IQCM: variants seen among roughly 807,000 people sequenced by gnomAD.
IQCM encodes the protein IQ domain-containing protein M.
In IQCM, 45 loss-of-function variants were observed where a neutral mutation model predicts 57.6. The observed-to-expected ratio is 0.78, with a 90% CI of 0.62 to 1.00. IQCM has a LOEUF of 1.00. Ranked by LOEUF, IQCM falls within the 50% of genes least tolerant of loss-of-function variation. The probability of loss-of-function intolerance (pLI) is 0.00; values close to 1 mark genes in which losing one functional copy is unlikely to be tolerated. For missense variants in IQCM, 468 were observed against 511.6 expected, an observed-to-expected ratio of 0.91 and a Z score of 0.82; for synonymous variants, 148 against 158.9, an observed-to-expected ratio of 0.93 and a Z score of 0.51.
At chr4:149,489,889 T>C (rs755579891) in intron 12 of IQCM, among the ~76,000 whole-genome samples, 82 of 152,084 alleles carry the variant, frequency 5.4e-4, no homozygotes, top group Non-Finnish European at 9.4e-4. Context: ...TATTGAGAAG[T>C]TGTCTAGAAT....
Position 149,553,228 on chromosome 4 carries a change from G to A in IQCM, c.1008C>T (p.His336=), listed in dbSNP as rs1749205565. 3.2e-6 allele frequency: 4 copies of A among 1,231,854 alleles called. No homozygotes were observed. The East Asian group carries it at 1.3e-4, about 39-fold the overall frequency. 76.3% of individuals were successfully genotyped at this position (1,231,854 alleles called of 1,614,324 possible). Residue 336 remains histidine (H), a synonymous_variant, in exon 11 of 14, where the codon CAC becomes CAT. Coordinates refer to ENST00000636793, the MANE Select transcript of IQCM (RefSeq NM_001363507.2). ...AAAGACCACGTCGATATCTAACACG[G>A]TGGATTAGTCTGCCATACATGTTAA... ...AVINMYGRLI[H]RVRYRRGLWR... is the part of the protein sequence containing the mutation.
chr4:149,619,609 C>T (rs1756137429), intron 8 of IQCM, among the ~76,000 whole-genome samples: 1 of 151,940 alleles, frequency 6.6e-6, no homozygotes, highest in South Asian at 2.1e-4. Context: ...AAATAAAAAT[C>T]CAACATGTGT....
At chr4:149,692,780 T>G (rs1054482186) in intron 5 of IQCM, among the ~76,000 whole-genome samples, 1 of 152,140 alleles carries the variant, frequency 6.6e-6, no homozygotes. Flanking sequence ...TAACTATTGC[T>G]TATGTAAAAT....
At chr4:149,629,021 C>A (rs575801052) in intron 7 of IQCM, among the ~76,000 whole-genome samples, 1 of 152,202 alleles carries the variant, frequency 6.6e-6, no homozygotes, top group East Asian at 1.9e-4. Flanking sequence ...GCTCAGAAAA[C>A]ACTTAACTAA....
chr4:149,481,711 T>TTTTTTTTTTG (rs1230353621), intron 12 of IQCM, among the ~76,000 whole-genome samples: 3 of 137,806 alleles, frequency 2.2e-5, no homozygotes, highest in African/African-American at 5.4e-5. Flanking sequence ...GTTTTTTTTT[T>TTTTTTTTTTG]TTTTTTTTTT....
In IQCM at chr4:149,813,823, C is replaced by G. The variant is rs1044883197; in HGVS notation, c.-49+1488G>C. On this transcript the variant is annotated intron_variant, in intron 2 of 13. Transcript: ENST00000636793. ...CCCCTCTCTTCAGAAAAATAGAGACCAACAGGTGCCAAAATTATTATTCCA... is the reference window on the plus strand; with the variant it reads ...CCCCTCTCTTCAGAAAAATAGAGACGAACAGGTGCCAAAATTATTATTCCA... Among the ~76,000 whole-genome samples, 3 of 151,950 alleles carry G rather than the reference C, an allele frequency of 2.0e-5. 1 individual carries two copies. The highest frequency in any genetic ancestry group is 4.4e-5 in the Non-Finnish European group (3 of 67,938).
intron 8 of IQCM, among the ~76,000 whole-genome samples, chr4:149,609,000 C>T (rs1364440847): frequency 6.6e-6 from 1 of 151,132 alleles, no homozygotes; most frequent in Non-Finnish European, 1.5e-5. Flanking sequence ...AAAGTTGAGC[C>T]AGACTGAAAA....
chr4:149,801,426 G>T (rs1010752494), intron 2 of IQCM, among the ~76,000 whole-genome samples: 4 of 151,968 alleles, frequency 2.6e-5, no homozygotes, highest in African/African-American at 9.7e-5. Context: ...GTATATCAAA[G>T]AGATATCTGC....
chr4:149,605,090 G>A (rs1250099676), intron 8 of IQCM, among the ~76,000 whole-genome samples: 11 of 152,026 alleles, frequency 7.2e-5, no homozygotes, highest in Non-Finnish European at 4.4e-5. Context: ...AATGTGTATG[G>A]GCCTAGTGCT....
intron 13 of IQCM, among the ~76,000 whole-genome samples, chr4:149,431,422 G>C (rs1236770842): frequency 6.6e-6 from 1 of 151,722 alleles, no homozygotes; most frequent in African/African-American, 2.4e-5. Context: ...ACTAATGACG[G>C]TACACATCTT....
chr4:149,486,019 CT>C (rs1741450537), intron 12 of IQCM, among the ~76,000 whole-genome samples: 1 of 16,732 alleles, frequency 6.0e-5, no homozygotes, highest in African/African-American at 3.4e-4. Flanking sequence ...CAAACAGAGT[CT>C]CTCTCTCTCT....
At chr4:149,720,609 T>C (rs1471599667) in intron 5 of IQCM, among the ~76,000 whole-genome samples, 1 of 152,194 alleles carries the variant, frequency 6.6e-6, no homozygotes, top group African/African-American at 2.4e-5. Context: ...TATAATTCTA[T>C]TCATGTGCTA....
chr4:149,433,549 C>T lies in IQCM; in HGVS notation c.1237G>A (p.Glu413Lys). Residue 413 changes from glutamate (E) to lysine (K), a missense_variant, in exon 13 of 14, where the codon GAA (glutamate) becomes AAA (lysine). Transcript: ENST00000636793. Reference sequence around the variant, plus strand: ...TTTTTGATTAGTTCAGAATATTTTTCTTTGCCATCTATAAAGAAAAGATAA... The same window carrying T: ...TTTTTGATTAGTTCAGAATATTTTTTTTTGCCATCTATAAAGAAAAGATAA... Reference protein sequence around the residue: ...TWDLVHQDGKEKYSELIKKSK... With the variant: ...TWDLVHQDGKKKYSELIKKSK... 1 of 1,122,282 alleles carries T rather than the reference C, an allele frequency of 8.9e-7. No homozygotes were observed. Among genetic ancestry groups the T allele is most frequent in the Non-Finnish European group, 1.1e-6 (1 of 888,544 alleles). The allele number at this position is 1,122,282 out of a possible 1,614,324, so 69.5% of individuals were successfully genotyped here. A position where few individuals can be genotyped will look rare whatever the true frequency, so the allele number is the denominator to read the frequency against.
chr4:149,562,790 C>T (rs1229268546), intron 10 of IQCM, among the ~76,000 whole-genome samples: 1 of 152,066 alleles, frequency 6.6e-6, no homozygotes, highest in African/African-American at 2.4e-5. Context: ...CATGTTAGTA[C>T]ATGTAAAAAT....
intron 10 of IQCM, among the ~76,000 whole-genome samples, chr4:149,554,685 A>AT (rs1391862321): frequency 7.7e-6 from 1 of 129,980 alleles, no homozygotes; most frequent in Non-Finnish European, 1.6e-5. Flanking sequence ...TTACACATTA[A>AT]TTTTTTCTTT....
At chr4:149,390,945 A>G (rs1226346835) in intron 13 of IQCM, among the ~76,000 whole-genome samples, 1 of 151,808 alleles carries the variant, frequency 6.6e-6, no homozygotes, top group Non-Finnish European at 1.5e-5. Flanking sequence ...AGTGGGAGAA[A>G]TATCCTCTCC....
intron 12 of IQCM, among the ~76,000 whole-genome samples, chr4:149,464,044 C>T (rs565932055): frequency 2.0e-5 from 3 of 152,260 alleles, no homozygotes; most frequent in South Asian, 2.1e-4. Flanking sequence ...CAGCACATTT[C>T]TTTCCAGGTT....
chr4:149,596,811 C>T (rs958035193), intron 8 of IQCM, among the ~76,000 whole-genome samples: 5 of 152,108 alleles, frequency 3.3e-5, no homozygotes, highest in Non-Finnish European at 5.9e-5. Flanking sequence ...AGTTGTCTCA[C>T]CTTAGTAGTG....
At chr4:149,681,130 C>T (rs1011721535) in intron 7 of IQCM, among the ~76,000 whole-genome samples, 1 of 151,260 alleles carries the variant, frequency 6.6e-6, no homozygotes, top group Admixed American at 6.6e-5. Flanking sequence ...CTATAGAACA[C>T]AGCTTTCAAG....
Sources: allele counts gnomAD v4.1 joint callset (sites outside exome capture counted in the v4.1 genomes callset), GRCh38; gene constraint gnomAD v4.1.1; transcripts MANE v1.5; gene names NCBI Gene and HGNC (gene_info 2026-07-23, HGNC 2026-07-21).